The following ATP8A2 variants were observed in gnomAD, a reference collection of about 807,000 sequenced individuals.
The protein encoded by ATP8A2 is phospholipid-transporting ATPase IB.
ATP8A2 carries 100 observed loss-of-function variants against 165.6 expected under a neutral mutation model. The observed-to-expected ratio is 0.60, with a 90% CI of 0.51 to 0.71. The LOEUF is 0.71. Among genes scored for constraint, ATP8A2 ranks in the 30% least tolerant of loss-of-function variants. ATP8A2 has a pLI of 0.00. For synonymous variants in ATP8A2, 543 were observed against 548.8 expected (o/e 0.99, Z 0.15); for missense variants, 1,227 against 1,479.5 (o/e 0.83, Z 2.80).
rs545110257 is a variant in ATP8A2 at position 25,431,019 on chromosome 13, T to C, written c.77-37958T>C. On this transcript the variant is annotated intron_variant, in intron 1 of 36. Transcript: ENST00000381655. ...AAACACACACACACACACATATATA[T>C]ACACACACACACACACATAATGGGT... Among the ~76,000 whole-genome samples, 1,307 of 151,250 alleles carry C rather than the reference T, an allele frequency of 8.6e-3. 20 individuals are homozygous for C. Among genetic ancestry groups the C allele is most frequent in the African/African-American group, 0.029 (1,195 of 41,286 alleles).
At chr13:25,385,636 A>G (rs2033013124) in intron 1 of ATP8A2, among the ~76,000 whole-genome samples, 1 of 152,104 alleles carries the variant, frequency 6.6e-6, no homozygotes, top group Non-Finnish European at 1.5e-5. Flanking sequence ...ATATAATTCG[A>G]ATTTCATGTG....
rs1036058877 is a variant in ATP8A2 at position 25,455,700 on chromosome 13, C to T, written c.77-13277C>T. On this transcript the variant is annotated intron_variant, in intron 1 of 36. Coordinates refer to ENST00000381655, the MANE Select transcript of ATP8A2 (RefSeq NM_016529.6). ...TGCCAAGCAGTCACCTGCCAGACTC[C>T]GTTCATTCCTTTAATCTGCTTCTGA... Among the ~76,000 whole-genome samples, 3 of 152,162 alleles carry T rather than the reference C, an allele frequency of 2.0e-5. No homozygotes were observed. The South Asian group carries it at 6.2e-4, about 32-fold the overall frequency.
chr13:25,552,142 A>G (rs563243270), intron 11 of ATP8A2, among the ~76,000 whole-genome samples: 23 of 152,064 alleles, frequency 1.5e-4, no homozygotes, highest in Admixed American at 2.6e-4. Flanking sequence ...ATGTGCTAAC[A>G]TGCCTGGCTA....
intron 34 of ATP8A2, among the ~76,000 whole-genome samples, chr13:25,963,826 A>C (rs1450894070): frequency 6.6e-6 from 1 of 152,230 alleles, no homozygotes; most frequent in Non-Finnish European, 1.5e-5. Flanking sequence ...ATCACAAAGC[A>C]AATTATCTAT....
rs1479905122 is a variant in ATP8A2 at position 25,399,548 on chromosome 13, G to A, written c.76+27260G>A. On this transcript the variant is annotated intron_variant, in intron 1 of 36. Coordinates refer to ENST00000381655, the MANE Select transcript of ATP8A2 (RefSeq NM_016529.6). ...CAAGTAGCTGGGACTACAGGAGCCCGCCACCACGCCCGGCTAATTTTTTTT... is the reference window on the plus strand; with the variant it reads ...CAAGTAGCTGGGACTACAGGAGCCCACCACCACGCCCGGCTAATTTTTTTT... 2.1e-4 allele frequency among the ~76,000 whole-genome samples: 17 copies of A among 82,362 alleles called. 1 individual carries two copies. Among genetic ancestry groups the A allele is most frequent in the South Asian group, 1.0e-3 (2 of 1,910 alleles). 54.0% of individuals were successfully genotyped at this position (82,362 alleles called of 152,430 possible). A position where few individuals can be genotyped will look rare whatever the true frequency, so the allele number is the denominator to read the frequency against.
At chr13:25,512,613 C>G (rs370416517) in intron 2 of ATP8A2, among the ~76,000 whole-genome samples, 1 of 145,850 alleles carries the variant, frequency 6.9e-6, no homozygotes, top group African/African-American at 2.6e-5. Flanking sequence ...ACCTCCCGGA[C>G]GGGGAGGCTG....
At position 25,744,925 on chromosome 13, in the gene ATP8A2, T is replaced by TTTTTCTTTTCTTTTC. The variant is rs376668495; in HGVS notation, c.2385-24106_2385-24092dup. Reference sequence around the variant, plus strand: ...GGGGAGCACTAGAGCAGGGGCCCAGTTTTTCTTTTCTTTTCTTTTCTTTTC... The same window carrying TTTTTCTTTTCTTTTC: ...GGGGAGCACTAGAGCAGGGGCCCAGTTTTTCTTTTCTTTTCTTTTCTTTTCTTTTCTTTTCTTTTC... On this transcript the variant is annotated intron_variant, in intron 25 of 36. Coordinates refer to ENST00000381655, the MANE Select transcript of ATP8A2 (RefSeq NM_016529.6). Among the ~76,000 whole-genome samples, 930 of 151,654 alleles carry TTTTTCTTTTCTTTTC rather than the reference T, an allele frequency of 6.1e-3. 10 individuals are homozygous for TTTTTCTTTTCTTTTC. The highest frequency in any genetic ancestry group is 0.022 in the African/African-American group (892 of 41,266).
chr13:25,727,540 T>C (rs2043521525), intron 25 of ATP8A2, among the ~76,000 whole-genome samples: 1 of 152,216 alleles, frequency 6.6e-6, no homozygotes, highest in Non-Finnish European at 1.5e-5. Flanking sequence ...TTGGAAATGC[T>C]CATGGCTAAA....
At chr13:25,984,422 G>A (rs935611992) in intron 35 of ATP8A2, among the ~76,000 whole-genome samples, 2 of 151,236 alleles carry the variant, frequency 1.3e-5, no homozygotes, top group Non-Finnish European at 2.9e-5. Context: ...TGGCCAACGT[G>A]GTGAAACCCC....
chr13:25,861,412 CCCA>C (rs1209760831), intron 32 of ATP8A2, among the ~76,000 whole-genome samples: 1 of 152,152 alleles, frequency 6.6e-6, no homozygotes, highest in African/African-American at 2.4e-5. Context: ...TTACAGATGT[CCCA>C]CCATTTACTT....
At position 25,972,530 on chromosome 13, in the gene ATP8A2, G is replaced by T. The variant is rs531220928; in HGVS notation, c.3377+3851G>T. Among the ~76,000 whole-genome samples, 149 of 152,292 alleles carry T rather than the reference G, an allele frequency of 9.8e-4. 1 individual carries two copies. Among genetic ancestry groups the T allele is most frequent in the African/African-American group, 3.5e-3 (146 of 41,556 alleles). ...CGATGTGGTGTTTGTGCGCCTTATA[G>T]ACACTGGACACGTGTGACTGTTGGG... On this transcript the variant is annotated intron_variant, in intron 35 of 36. Coordinates refer to ENST00000381655, the MANE Select transcript of ATP8A2 (RefSeq NM_016529.6).
At position 25,407,494 on chromosome 13, in the gene ATP8A2, A is replaced by C. The variant is rs2147489; in HGVS notation, c.76+35206A>C. ...GAAACATAATCTAAATGAGAAACTCATATCCCAAATATTCAGTGAAGTCAG... is the reference window on the plus strand; with the variant it reads ...GAAACATAATCTAAATGAGAAACTCCTATCCCAAATATTCAGTGAAGTCAG... On this transcript the variant is annotated intron_variant, in intron 1 of 36. Transcript: ENST00000381655. Among the ~76,000 whole-genome samples the C allele has an allele frequency of 3.2e-3, 493 of 152,372 alleles. 1 individual carries two copies. Among genetic ancestry groups the C allele is most frequent in the African/African-American group, 0.011 (468 of 41,588 alleles).
At chr13:25,539,759 C>T (rs901524434) in intron 7 of ATP8A2, among the ~76,000 whole-genome samples, 28 of 152,146 alleles carry the variant, frequency 1.8e-4, no homozygotes, top group African/African-American at 6.8e-4. Context: ...ATTATAATAT[C>T]TGTTATGCTT....
At position 25,842,170 on chromosome 13, in the gene ATP8A2, C is replaced by A. The variant is rs558405800; in HGVS notation, c.2956+2546C>A. 2.6e-5 allele frequency among the ~76,000 whole-genome samples: 4 copies of A among 152,258 alleles called. No individual in the cohort carries two copies. The East Asian group carries it at 7.7e-4, about 29-fold the overall frequency. Reference sequence around the variant, plus strand: ...TAAAATGCTATTAGATATCAGAGGACTGAGAGATGCCTTTCATTTGGAGTT... The same window carrying A: ...TAAAATGCTATTAGATATCAGAGGAATGAGAGATGCCTTTCATTTGGAGTT... On this transcript the variant is annotated intron_variant, in intron 30 of 36. Coordinates refer to ENST00000381655, the MANE Select transcript of ATP8A2 (RefSeq NM_016529.6).
intron 1 of ATP8A2, among the ~76,000 whole-genome samples, chr13:25,466,691 C>T (rs565025771): frequency 2.6e-4 from 40 of 152,292 alleles, no homozygotes; most frequent in East Asian, 1.7e-3. Context: ...GAGGGCAGGG[C>T]CCGGGAACTA....
chr13:26,012,998 T>C (rs1366269005), intron 36 of ATP8A2, among the ~76,000 whole-genome samples: 6 of 152,144 alleles, frequency 3.9e-5, no homozygotes, highest in South Asian at 2.1e-4. Flanking sequence ...ATGACCATCA[T>C]TGGGGAAAAA....
At chr13:25,730,112 T>A (rs781614555) in intron 25 of ATP8A2, among the ~76,000 whole-genome samples, 14 of 152,010 alleles carry the variant, frequency 9.2e-5, no homozygotes, top group South Asian at 2.1e-4. Context: ...CAATATGGTG[T>A]AACCCCATCT....
chr13:25,403,688 A>G (rs2033710464), intron 1 of ATP8A2, among the ~76,000 whole-genome samples: 1 of 152,180 alleles, frequency 6.6e-6, no homozygotes, highest in East Asian at 1.9e-4. Flanking sequence ...ATAGGAACAT[A>G]TGGTCTTGAA....
intron 30 of ATP8A2, among the ~76,000 whole-genome samples, chr13:25,843,024 T>C (rs1951780937): frequency 6.7e-6 from 1 of 148,318 alleles, no homozygotes; most frequent in African/African-American, 2.5e-5. Flanking sequence ...CTTTGTTTGC[T>C]GAGATTGTGG....
Sources: gnomAD v4.1 joint callset for allele counts (sites outside exome capture counted in the v4.1 genomes callset) on GRCh38, gnomAD v4.1.1 for gene constraint, MANE v1.5 for transcripts, NCBI Gene and HGNC (gene_info 2026-07-23, HGNC 2026-07-21) for gene names.